MDFIC2: variants seen among roughly 807,000 people sequenced by gnomAD.
The protein encoded by MDFIC2 is MyoD family inhibitor domain containing 2.
chr3:70,242,273 C>T (rs1701672171), intron 2 of MDFIC2, among the ~76,000 whole-genome samples: 1 of 152,156 alleles, frequency 6.6e-6, no homozygotes, highest in Non-Finnish European at 1.5e-5. Context: ...CAAGTTGGCT[C>T]TGATAACATC....
chr3:70,212,598 C>A (rs1046638226), intron 2 of MDFIC2, among the ~76,000 whole-genome samples: 2 of 152,120 alleles, frequency 1.3e-5, no homozygotes, highest in African/African-American at 2.4e-5. Flanking sequence ...CACATCTGGA[C>A]TCTTTTTCAG....
At chr3:70,290,624 C>G (rs1702226732) in intron 2 of MDFIC2, among the ~76,000 whole-genome samples, 1 of 152,240 alleles carries the variant, frequency 6.6e-6, no homozygotes, top group Admixed American at 6.5e-5. Context: ...ATTACCTCAG[C>G]AAGCCTGGGC....
chr3:70,258,913 T>A (rs960544654), intron 2 of MDFIC2, among the ~76,000 whole-genome samples: 1 of 152,218 alleles, frequency 6.6e-6, no homozygotes, highest in Non-Finnish European at 1.5e-5. Flanking sequence ...ATTTCTTTAA[T>A]TTTTTCACAG....
chr3:70,202,845 G>A (rs1448429014), intron 3 of MDFIC2, among the ~76,000 whole-genome samples: 1 of 152,064 alleles, frequency 6.6e-6, no homozygotes, highest in Non-Finnish European at 1.5e-5. Context: ...TAATTAGGAG[G>A]GAGAATCTCT....
intron 2 of MDFIC2, among the ~76,000 whole-genome samples, chr3:70,209,765 C>T (rs1330312128): frequency 6.6e-6 from 1 of 152,100 alleles, no homozygotes; most frequent in Non-Finnish European, 1.5e-5. Flanking sequence ...AAAACCTCCT[C>T]ACCCTAAATA....
chr3:70,289,847 T>G (rs1234652265), intron 2 of MDFIC2, among the ~76,000 whole-genome samples: 5 of 152,012 alleles, frequency 3.3e-5, no homozygotes, highest in African/African-American at 4.8e-5. Context: ...TCCAGTTGAT[T>G]GCATCGGCTC....
intron 2 of MDFIC2, among the ~76,000 whole-genome samples, chr3:70,215,182 G>A (rs1324680582): frequency 6.6e-6 from 1 of 152,074 alleles, no homozygotes; most frequent in East Asian, 1.9e-4. Context: ...GTTTTGCAAA[G>A]TATTATTATC....
At chr3:70,258,575 T>C (rs6549311) in intron 2 of MDFIC2, among the ~76,000 whole-genome samples, 150,377 of 152,230 alleles carry the variant, frequency 0.99, 74,286 homozygotes, top group Non-Finnish European at 1. Flanking sequence ...CTATCCATTG[T>C]AAACAGGGAA....
intron 2 of MDFIC2, among the ~76,000 whole-genome samples, chr3:70,243,178 C>G (rs917072023): frequency 2.6e-5 from 4 of 152,040 alleles, no homozygotes; most frequent in African/African-American, 9.7e-5. Context: ...GTCTTTGGCT[C>G]ATGAACATCT....
intron 2 of MDFIC2, among the ~76,000 whole-genome samples, chr3:70,278,771 G>A (rs72628621): frequency 0.065 from 9,871 of 152,012 alleles, 716 homozygotes; most frequent in East Asian, 0.35. Flanking sequence ...GTAATAACTA[G>A]GAGGCCTTAA....
chr3:70,251,008 A>T (rs1701761078), intron 2 of MDFIC2, among the ~76,000 whole-genome samples: 1 of 152,226 alleles, frequency 6.6e-6, no homozygotes, highest in Non-Finnish European at 1.5e-5. Flanking sequence ...ATTTTGTGAA[A>T]TCACCATTTA....
At chr3:70,300,229 G>A (rs1223634240) in intron 2 of MDFIC2, among the ~76,000 whole-genome samples, 2 of 152,096 alleles carry the variant, frequency 1.3e-5, no homozygotes, top group African/African-American at 4.8e-5. Context: ...AAACAAGCCA[G>A]AAACGCCCTT....
intron 2 of MDFIC2, among the ~76,000 whole-genome samples, chr3:70,231,790 G>C (rs1392164162): frequency 6.6e-6 from 1 of 152,144 alleles, no homozygotes; most frequent in Admixed American, 6.5e-5. Flanking sequence ...CTACTAATTA[G>C]GTGGCAATGA....
At chr3:70,228,322 C>A (rs1022941098) in intron 2 of MDFIC2, among the ~76,000 whole-genome samples, 6 of 151,874 alleles carry the variant, frequency 4.0e-5, no homozygotes, top group East Asian at 1.9e-4. Flanking sequence ...ACCAAAAAAT[C>A]TTTTCTTTAA....
intron 3 of MDFIC2, chr3:70,204,357 T>A (rs1403095476): frequency 6.6e-6 from 1 of 152,162 alleles, no homozygotes; most frequent in Admixed American, 6.5e-5. Context: ...TATCGAAAAT[T>A]CTCTAAAATG....
chr3:70,212,303 C>T (rs1411745998), intron 2 of MDFIC2, among the ~76,000 whole-genome samples: 1 of 152,136 alleles, frequency 6.6e-6, no homozygotes, highest in Non-Finnish European at 1.5e-5. Flanking sequence ...TTGTGGGTAA[C>T]TAGCGAAATC....
At position 70,197,135 on chromosome 3, in the gene MDFIC2, A is replaced by C. The variant is rs1701189868; in HGVS notation, c.361T>G (p.Cys121Gly). 5.0e-6 allele frequency: 2 copies of C among 398,402 alleles called. No individual in the cohort carries two copies. The highest frequency in any genetic ancestry group is 1.3e-4 in the South Asian group (1 of 7,858). The allele number at this position is 398,402 out of a possible 1,614,324, so 24.7% of individuals were successfully genotyped here. ...LACLFCQFWD[C>G]LLMLPGTCET... is the part of the protein sequence containing the mutation. ...CAGGTGCCGGGGAGCATCAGGAGAC[A>C]GTCCCAAAACTGGCAAAACAGACAG... Residue 121 changes from cysteine to glycine, a missense_variant, in exon 4 of 4, where the codon TGT (cysteine) becomes GGT (glycine). Transcript: ENST00000567252.
At chr3:70,299,218 A>G (rs1337296823) in intron 2 of MDFIC2, among the ~76,000 whole-genome samples, 3 of 152,162 alleles carry the variant, frequency 2.0e-5, no homozygotes, top group Non-Finnish European at 4.4e-5. Flanking sequence ...CAGTAAATCT[A>G]TGTTTATTGC....
intron 3 of MDFIC2, 71 bp downstream of exon 3, chr3:70,206,498 A>G (rs952649683): frequency 5.0e-6 from 2 of 396,286 alleles, no homozygotes; most frequent in African/African-American, 4.1e-5. Flanking sequence ...CTAACAGCAT[A>G]TGTGATGATT....
Sources: allele counts gnomAD v4.1 joint callset (sites outside exome capture counted in the v4.1 genomes callset), GRCh38; gene constraint gnomAD v4.1.1; transcripts MANE v1.5; gene names NCBI Gene and HGNC (gene_info 2026-07-23, HGNC 2026-07-21).